GRM8: variants seen among roughly 807,000 people sequenced by gnomAD.
GRM8 encodes the protein metabotropic glutamate receptor 8.
In GRM8, 47 loss-of-function variants were observed where a neutral mutation model predicts 87.2. The ratio of observed to expected loss-of-function variants is 0.54; its 90% CI spans 0.43 to 0.69. GRM8 has a LOEUF of 0.69. Ranked by LOEUF, GRM8 falls within the 30% of genes least tolerant of loss-of-function variation. GRM8 has a pLI of 0.00. For missense variants in GRM8, 1,019 were observed against 1,139.2 expected (o/e 0.89, Z 1.52); for synonymous variants, 396 against 404.5 (o/e 0.98, Z 0.25).
rs143415984 is a variant in GRM8 at position 126,653,656 on chromosome 7, G to A, written c.1358-44158C>T. On this transcript the variant is annotated intron_variant, in intron 7 of 10. Coordinates refer to ENST00000339582, the MANE Select transcript of GRM8 (RefSeq NM_000845.3). ...ACAAAAAAGGGATTCTGTTACATATGGAAACTTCAAAAATCACAAAGCTCA... is the reference window on the plus strand; with the variant it reads ...ACAAAAAAGGGATTCTGTTACATATAGAAACTTCAAAAATCACAAAGCTCA... 4.9e-3 allele frequency among the ~76,000 whole-genome samples: 747 copies of A among 152,232 alleles called. 6 individuals are homozygous for A. Among genetic ancestry groups the A allele is most frequent in the African/African-American group, 0.017 (695 of 41,528 alleles).
chr7:126,693,549 A>C (rs1284969436), intron 7 of GRM8, among the ~76,000 whole-genome samples: 4 of 152,190 alleles, frequency 2.6e-5, no homozygotes. Flanking sequence ...TGCCTGTATT[A>C]TATTCCAATC....
At chr7:127,057,296 C>T (rs1474704731) in intron 3 of GRM8, among the ~76,000 whole-genome samples, 1 of 152,176 alleles carries the variant, frequency 6.6e-6, no homozygotes, top group Admixed American at 6.5e-5. Context: ...TCAAATCCAT[C>T]TTGGTTCTAG....
At chr7:126,601,769 T>G (rs1797800827) in intron 8 of GRM8, among the ~76,000 whole-genome samples, 1 of 146,128 alleles carries the variant, frequency 6.8e-6, no homozygotes, top group Non-Finnish European at 1.5e-5. Flanking sequence ...GCCCACTTTT[T>G]GATGGGGTTG....
At chr7:126,941,616 T>C (rs1352220117) in intron 3 of GRM8, among the ~76,000 whole-genome samples, 3 of 147,004 alleles carry the variant, frequency 2.0e-5, no homozygotes, top group African/African-American at 7.6e-5. Context: ...CAAGACTCTG[T>C]CTCAAAAAAA....
At chr7:126,938,053 C>T (rs1371894501) in intron 3 of GRM8, among the ~76,000 whole-genome samples, 1 of 152,188 alleles carries the variant, frequency 6.6e-6, no homozygotes, top group African/African-American at 2.4e-5. Context: ...TAAGAGCCTA[C>T]ATTTCATAAC....
intron 3 of GRM8, among the ~76,000 whole-genome samples, chr7:127,101,591 C>T (rs148498464): frequency 2.1e-4 from 32 of 152,334 alleles, no homozygotes; most frequent in African/African-American, 7.5e-4. Flanking sequence ...TCCTGCTTTA[C>T]CTTCTGTGAT....
intron 7 of GRM8, among the ~76,000 whole-genome samples, chr7:126,670,313 T>A (rs1223290682): frequency 6.6e-6 from 1 of 152,166 alleles, no homozygotes; most frequent in Non-Finnish European, 1.5e-5. Context: ...TTGACATGTT[T>A]AGGTATATGA....
intron 2 of GRM8, among the ~76,000 whole-genome samples, chr7:127,222,588 C>T (rs1328453526): frequency 6.6e-6 from 1 of 152,130 alleles, no homozygotes; most frequent in Non-Finnish European, 1.5e-5. Flanking sequence ...AAACAGCATC[C>T]TAGAAAATGA....
intron 2 of GRM8, among the ~76,000 whole-genome samples, chr7:127,210,933 T>G (rs1004160022): frequency 4.6e-5 from 7 of 152,228 alleles, no homozygotes; most frequent in African/African-American, 9.6e-5. Context: ...CAGACTGTTT[T>G]GTAAACTTCT....
chr7:126,703,624 A>T (rs1340659188), intron 7 of GRM8, among the ~76,000 whole-genome samples: 1 of 152,138 alleles, frequency 6.6e-6, no homozygotes, highest in Non-Finnish European at 1.5e-5. Context: ...CAGTGGTATG[A>T]TCACAGCTCA....
chr7:126,833,172 A>G (rs992910609), intron 6 of GRM8, among the ~76,000 whole-genome samples: 1 of 152,214 alleles, frequency 6.6e-6, no homozygotes, highest in African/African-American at 2.4e-5. Flanking sequence ...TGCTTTGAAA[A>G]CTTTTCTGCA....
rs958046955 is a variant in GRM8 at position 126,927,305 on chromosome 7, GT to G, written c.728-22623del. Among the ~76,000 whole-genome samples, 13 of 149,120 alleles carry G rather than the reference GT, an allele frequency of 8.7e-5. No individual in the cohort carries two copies. In the Middle Eastern group the frequency reaches 0.014, roughly 163 times the overall value. On this transcript the variant is annotated intron_variant, in intron 3 of 10. Coordinates refer to ENST00000339582, the MANE Select transcript of GRM8 (RefSeq NM_000845.3). ...CATATGCCATCACACTTGGTAGTAT[GT>G]TTTTTTTTTCTTTAGAGACAAGGTC...
chr7:126,805,904 G>T (rs1792631610), intron 6 of GRM8, among the ~76,000 whole-genome samples: 1 of 152,196 alleles, frequency 6.6e-6, no homozygotes, highest in South Asian at 2.1e-4. Context: ...CTCCAGACCA[G>T]TTTCCATTTG....
At chr7:126,714,087 C>T (rs905602606) in intron 7 of GRM8, among the ~76,000 whole-genome samples, 6 of 149,974 alleles carry the variant, frequency 4.0e-5, no homozygotes, top group Non-Finnish European at 8.9e-5. Flanking sequence ...GCCTGGCCAA[C>T]ATTGTGAAAC....
intron 7 of GRM8, among the ~76,000 whole-genome samples, chr7:126,687,204 C>G (rs2151355453): frequency 6.6e-6 from 1 of 152,352 alleles, no homozygotes; most frequent in African/African-American, 2.4e-5. Context: ...ACAAATCTCT[C>G]CTCTTGATAG....
At chr7:126,585,773 G>T (rs371034939) in intron 8 of GRM8, among the ~76,000 whole-genome samples, 1 of 152,144 alleles carries the variant, frequency 6.6e-6, no homozygotes, top group Non-Finnish European at 1.5e-5. Context: ...ACTGGCACAA[G>T]ACAGGGATGC....
intron 6 of GRM8, among the ~76,000 whole-genome samples, chr7:126,883,457 TC>T (rs1380919504): frequency 6.6e-6 from 1 of 152,224 alleles, no homozygotes; most frequent in Non-Finnish European, 1.5e-5. Flanking sequence ...CTGGTTCTTT[TC>T]TTTGTCCCTT....
chr7:126,884,307 A>G (rs891041272), intron 6 of GRM8, among the ~76,000 whole-genome samples: 3 of 152,136 alleles, frequency 2.0e-5, no homozygotes, highest in Non-Finnish European at 2.9e-5. Flanking sequence ...ATCACGGGGG[A>G]AAAATGAGCA....
rs894236522 is a variant in GRM8 at position 126,473,541 on chromosome 7, C to T, written c.2431-27169G>A. On this transcript the variant is annotated intron_variant, in intron 9 of 10. Transcript: ENST00000339582. ...AGGCTTATAGGCACAAGGGATTTGC[C>T]TTGTCTCACATGAGACTTTGGACCG... 4.3e-4 allele frequency among the ~76,000 whole-genome samples: 66 copies of T among 152,284 alleles called. 1 individual carries two copies. The highest frequency in any genetic ancestry group is 1.5e-3 in the African/African-American group (61 of 41,574).
Sources: gnomAD v4.1 joint callset for allele counts (sites outside exome capture counted in the v4.1 genomes callset) on GRCh38, gnomAD v4.1.1 for gene constraint, MANE v1.5 for transcripts, NCBI Gene and HGNC (gene_info 2026-07-23, HGNC 2026-07-21) for gene names.